Variants in ABCA13 observed in about 807,000 individuals in gnomAD.
ABCA13 encodes ATP-binding cassette sub-family A member 13.
ABCA13 carries 476 observed loss-of-function variants against 478.7 expected under a neutral mutation model. The observed-to-expected ratio is 0.99, with a 90% CI of 0.92 to 1.07. The LOEUF is 1.07. Among genes scored for constraint, ABCA13 ranks in the 50% least tolerant of loss-of-function variants. The probability of loss-of-function intolerance (pLI) is 0.00; values close to 1 mark genes in which losing one functional copy is unlikely to be tolerated. For missense variants in ABCA13, 6,060 were observed against 5,910.6 expected (o/e 1.03, Z -0.83); for synonymous variants, 2,252 against 2,158.9 (o/e 1.04, Z -1.20).
intron 10 of ABCA13, among the ~76,000 whole-genome samples, chr7:48,242,728 C>T (rs1475584410): frequency 1.3e-5 from 2 of 152,200 alleles, no homozygotes; most frequent in Admixed American, 1.3e-4. Context: ...CGTGAGCCAC[C>T]GCAGCTGGCC....
At chr7:48,231,669 T>C (rs1285300292) in intron 7 of ABCA13, among the ~76,000 whole-genome samples, 1 of 151,880 alleles carries the variant, frequency 6.6e-6, no homozygotes, top group Non-Finnish European at 1.5e-5. Context: ...TTATTATTAT[T>C]ATTATTATTA....
At chr7:48,415,087 C>T (rs1420492466) in intron 41 of ABCA13, among the ~76,000 whole-genome samples, 1 of 152,144 alleles carries the variant, frequency 6.6e-6, no homozygotes, top group African/African-American at 2.4e-5. Context: ...GGTTTACAGA[C>T]GTGCTGCTAA....
At chr7:48,299,151 C>T (rs893426089) in intron 23 of ABCA13, among the ~76,000 whole-genome samples, 6 of 152,224 alleles carry the variant, frequency 3.9e-5, no homozygotes, top group Non-Finnish European at 8.8e-5. Flanking sequence ...AGGAGATTTT[C>T]TGAGACAGCT....
chr7:48,322,512 G>A (rs1265508505), intron 27 of ABCA13, among the ~76,000 whole-genome samples: 1 of 152,164 alleles, frequency 6.6e-6, no homozygotes, highest in Non-Finnish European at 1.5e-5. Context: ...GCCACCAGCG[G>A]TGATCCAGAC....
chr7:48,489,683 A>G (rs1469223428), intron 48 of ABCA13, among the ~76,000 whole-genome samples: 2 of 152,206 alleles, frequency 1.3e-5, no homozygotes, highest in African/African-American at 4.8e-5. Context: ...ATTATATGGA[A>G]TACTGTAATA....
chr7:48,451,761 T>A (rs1220036242), intron 42 of ABCA13, among the ~76,000 whole-genome samples: 1 of 152,194 alleles, frequency 6.6e-6, no homozygotes, highest in Non-Finnish European at 1.5e-5. Context: ...GCTGAGACTT[T>A]GATATTTAAG....
chr7:48,542,766 T>C (rs1834024195), intron 55 of ABCA13, among the ~76,000 whole-genome samples: 1 of 151,730 alleles, frequency 6.6e-6, no homozygotes, highest in South Asian at 2.1e-4. Flanking sequence ...TTTTATAGAT[T>C]TAATGTAATT....
At chr7:48,296,342 G>T (rs763008951) in intron 21 of ABCA13, among the ~76,000 whole-genome samples, 56 of 152,332 alleles carry the variant, frequency 3.7e-4, no homozygotes, top group Middle Eastern at 3.4e-3. Context: ...CAAGGCTGCA[G>T]TGAGCAGTGA....
chr7:48,271,961 G>A lies in ABCA13; in HGVS notation c.2295G>A (p.Glu765=), dbSNP rs778329828. The A allele has an allele frequency of 5.6e-6, 9 of 1,613,316 alleles. No homozygotes were observed. The East Asian group carries it at 8.9e-5, about 16-fold the overall frequency. Residue 765 remains glutamate (E), a synonymous_variant, in exon 17 of 62, where the codon GAG becomes GAA. Coordinates refer to ENST00000435803, the MANE Select transcript of ABCA13 (RefSeq NM_152701.5). ...PSFHSLPSLT[E]DILNISSLWT... is the part of the protein sequence containing the mutation. Reference sequence around the variant, plus strand: ...TCCACAGCCTCCCATCTCTCACAGAGGATATTCTGAATATAAGTTCTCTGT... The same window carrying A: ...TCCACAGCCTCCCATCTCTCACAGAAGATATTCTGAATATAAGTTCTCTGT...
At position 48,275,363 on chromosome 7, in the gene ABCA13, T is replaced by G. The variant is rs548543552; in HGVS notation, c.5697T>G (p.Ile1899Met). The G allele has an allele frequency of 1.2e-6, 2 of 1,613,956 alleles. No homozygotes were observed. Among genetic ancestry groups the G allele is most frequent in the East Asian group, 4.5e-5 (2 of 44,866 alleles). Reference protein sequence around the residue: ...IIHELVDWNSILLELSEVFHV... With the variant: ...IIHELVDWNSMLLELSEVFHV... ...ATGAATTAGTGGACTGGAATTCTAT[T>G]CTTCTGGAGCTCTCTGAAGTCTTCC... is the stretch of plus-strand genomic sequence containing the variant. The change falls in exon 17 of 62, where the codon ATT (isoleucine) becomes ATG (methionine). Residue 1899 changes from isoleucine to methionine, a missense_variant. Ile to Met is a conservative substitution (Grantham distance 10). Coordinates refer to ENST00000435803, the MANE Select transcript of ABCA13 (RefSeq NM_152701.5).
intron 59 of ABCA13, among the ~76,000 whole-genome samples, chr7:48,617,942 G>T (rs1402658360): frequency 6.6e-6 from 1 of 152,146 alleles, no homozygotes; most frequent in East Asian, 1.9e-4. Context: ...ATACATAAGA[G>T]GAAAAAACAA....
chr7:48,639,353 G>A (rs1466525954), intron 59 of ABCA13, among the ~76,000 whole-genome samples: 1 of 152,202 alleles, frequency 6.6e-6, no homozygotes, highest in Non-Finnish European at 1.5e-5. Context: ...CAGATCACTG[G>A]AATTTGGTAC....
chr7:48,272,883 G>A lies in ABCA13; in HGVS notation c.3217G>A (p.Glu1073Lys). The change falls in exon 17 of 62, where the codon GAA becomes AAA. Residue 1073 changes from glutamate (E) to lysine (K), a missense_variant. Transcript: ENST00000435803. ...TGLKQLLIID[E>K]DFRISLFQYM... Reference sequence around the variant, plus strand: ...CCTCAAACAGCTGCTCATAATTGATGAAGATTTTCGTATTTCTTTATTTCA... The same window carrying A: ...CCTCAAACAGCTGCTCATAATTGATAAAGATTTTCGTATTTCTTTATTTCA... The A allele has an allele frequency of 6.2e-7, 1 of 1,608,492 alleles. No individual in the cohort carries two copies. Among genetic ancestry groups the A allele is most frequent in the Non-Finnish European group, 8.5e-7 (1 of 1,176,732 alleles).
Position 48,313,163 on chromosome 7 carries a change from G to T in ABCA13, c.9613G>T (p.Glu3205Ter). Reference protein sequence around the residue: ...ALLAKAQHVFEYLPEFLHTFK... With the variant: ...ALLAKAQHVF ...GCTTGCCAAAGCCCAGCACGTCTTT[G>T]AGTATCTTCCTGAGTTTCTTCACAC... The change falls in exon 25 of 62, where the codon GAG becomes TAG. Residue 3205 changes from glutamate to a stop codon, truncating the protein, a stop_gained. Transcript: ENST00000435803. LOFTEE classifies it high-confidence loss of function. 1 of 1,612,990 alleles carries T rather than the reference G, an allele frequency of 6.2e-7. No homozygotes were observed. The highest frequency in any genetic ancestry group is 1.1e-5 in the South Asian group (1 of 90,790).
chr7:48,499,660 A>G (rs1563356246), intron 48 of ABCA13, among the ~76,000 whole-genome samples: 1 of 152,228 alleles, frequency 6.6e-6, no homozygotes, highest in African/African-American at 2.4e-5. Flanking sequence ...ATAAATGATA[A>G]TAACAATCAA....
chr7:48,645,270 G>A (rs1373754064), intron 61 of ABCA13, 147 bp from the exon 62 acceptor site: 1 of 593,218 alleles, frequency 1.7e-6, no homozygotes, highest in Non-Finnish European at 3.0e-6. Context: ...ATATATTTAT[G>A]TGATTTGGGA....
intron 15 of ABCA13, among the ~76,000 whole-genome samples, chr7:48,258,700 T>G (rs1399652856): frequency 6.6e-6 from 1 of 152,170 alleles, no homozygotes; most frequent in Non-Finnish European, 1.5e-5. Flanking sequence ...GTAGGTGTGA[T>G]GTTAGGTTAT....
intron 59 of ABCA13, among the ~76,000 whole-genome samples, chr7:48,623,859 G>A (rs1191889993): frequency 6.6e-6 from 1 of 152,142 alleles, no homozygotes; most frequent in Non-Finnish European, 1.5e-5. Flanking sequence ...AAGGAAGATA[G>A]GGATCATGGT....
chr7:48,382,101 A>C (rs1430613795), intron 35 of ABCA13, among the ~76,000 whole-genome samples: 1 of 152,126 alleles, frequency 6.6e-6, no homozygotes, highest in Non-Finnish European at 1.5e-5. Flanking sequence ...AATGTCTTTC[A>C]CGTTTGTTTC....
Sources: allele counts gnomAD v4.1 joint callset (sites outside exome capture counted in the v4.1 genomes callset), GRCh38; gene constraint gnomAD v4.1.1; transcripts MANE v1.5; gene names NCBI Gene and HGNC (gene_info 2026-07-23, HGNC 2026-07-21).